The following NDUFS4 variants were observed in gnomAD, a reference collection of about 807,000 sequenced individuals.
NDUFS4 encodes the protein NADH:ubiquinone oxidoreductase subunit S4.
A neutral mutation model predicts 24.3 loss-of-function variants in NDUFS4; 28 were observed. The observed-to-expected ratio is 1.15, with a 90% CI of 0.85 to 1.58. The LOEUF (loss-of-function observed/expected upper bound fraction) is 1.58, where lower values mean the gene tolerates loss of function less well. Ranked by LOEUF, NDUFS4 falls within the 40% of genes most tolerant of loss-of-function variation. The pLI is 0.00. For synonymous variants in NDUFS4, 93 were observed against 69.7 expected (o/e 1.34, Z -1.67); for missense variants, 223 against 207.9 (o/e 1.07, Z -0.45).
intron 1 of NDUFS4, among the ~76,000 whole-genome samples, chr5:53,582,268 G>C (rs895058466): frequency 1.4e-5 from 2 of 147,268 alleles, no homozygotes; most frequent in African/African-American, 2.5e-5. Flanking sequence ...AAAATAAATA[G>C]CTATATACAC....
intron 2 of NDUFS4, among the ~76,000 whole-genome samples, chr5:53,620,270 T>C (rs952181929): frequency 2.0e-5 from 3 of 152,176 alleles, no homozygotes; most frequent in African/African-American, 7.2e-5. Context: ...GTGGATACTT[T>C]TCAGACTCTG....
intron 1 of NDUFS4, among the ~76,000 whole-genome samples, chr5:53,574,440 C>G (rs958884420): frequency 6.6e-6 from 1 of 152,116 alleles, no homozygotes; most frequent in Admixed American, 6.5e-5. Flanking sequence ...GAATTCTTTT[C>G]GTATACTGGC....
chr5:53,664,835 G>T (rs191220091), intron 4 of NDUFS4, among the ~76,000 whole-genome samples: 84 of 152,300 alleles, frequency 5.5e-4, no homozygotes, highest in Admixed American at 1.1e-3. Context: ...ACTCGTCAAA[G>T]TCATTCTCCA....
At chr5:53,672,363 A>AAAAC (rs1324227172) in intron 4 of NDUFS4, among the ~76,000 whole-genome samples, 1 of 152,222 alleles carries the variant, frequency 6.6e-6, no homozygotes, top group African/African-American at 2.4e-5. Context: ...AGTAAAAGTC[A>AAAAC]AAACAGCACT....
rs4147735 is a variant in NDUFS4, at chr5:53,602,931, T to C, written c.99-521T>C. On this transcript the variant is annotated intron_variant, in intron 1 of 4. Coordinates refer to ENST00000296684, the MANE Select transcript of NDUFS4 (RefSeq NM_002495.4). ...ATATTTTCATTTTAACTAATTTTAT[T>C]TCTCCCATTTTGTGAATGGGCTACA... Among the ~76,000 whole-genome samples the C allele has an allele frequency of 2.4e-3, 361 of 152,234 alleles. 5 individuals carry two copies. The highest frequency in any genetic ancestry group is 8.1e-3 in the African/African-American group (336 of 41,524).
At chr5:53,598,626 T>A (rs948026660) in intron 1 of NDUFS4, among the ~76,000 whole-genome samples, 3 of 152,124 alleles carry the variant, frequency 2.0e-5, no homozygotes, top group Non-Finnish European at 4.4e-5. Flanking sequence ...TAAATAAATA[T>A]ACTGATAAAA....
At chr5:53,625,096 C>G (rs1751175303) in intron 2 of NDUFS4, among the ~76,000 whole-genome samples, 1 of 152,050 alleles carries the variant, frequency 6.6e-6, no homozygotes, top group Non-Finnish European at 1.5e-5. Context: ...TAGGCACACA[C>G]CACTATACCC....
chr5:53,612,823 G>T (rs1296257558), intron 2 of NDUFS4, among the ~76,000 whole-genome samples: 1 of 152,030 alleles, frequency 6.6e-6, no homozygotes, highest in Non-Finnish European at 1.5e-5. Context: ...TTGTCAATTT[G>T]TAATAGTTAA....
intron 1 of NDUFS4, among the ~76,000 whole-genome samples, chr5:53,589,568 G>T (rs1554054713): frequency 6.6e-6 from 1 of 152,202 alleles, no homozygotes; most frequent in Non-Finnish European, 1.5e-5. Context: ...GTGGCAATGG[G>T]AGTGTAGTCT....
intron 4 of NDUFS4, among the ~76,000 whole-genome samples, chr5:53,678,751 A>C (rs1740556471): frequency 6.6e-6 from 1 of 152,210 alleles, no homozygotes; most frequent in Non-Finnish European, 1.5e-5. Context: ...TGCAAAATAC[A>C]TCCTTTTTAG....
At chr5:53,573,690 G>C (rs1355015362) in intron 1 of NDUFS4, 3 of 385,918 alleles carry the variant, frequency 7.8e-6, no homozygotes, top group Non-Finnish European at 1.0e-5. Flanking sequence ...CTGGGCTTAA[G>C]CAGTCCTCCC....
At chr5:53,682,704 T>C (rs1234692927) in intron 4 of NDUFS4, among the ~76,000 whole-genome samples, 1 of 151,948 alleles carries the variant, frequency 6.6e-6, no homozygotes, top group East Asian at 1.9e-4. Context: ...TTTGGAAGAG[T>C]TCCAAACTCT....
intron 1 of NDUFS4, among the ~76,000 whole-genome samples, chr5:53,579,914 A>G (rs1749501338): frequency 6.6e-6 from 1 of 152,212 alleles, no homozygotes; most frequent in Non-Finnish European, 1.5e-5. Flanking sequence ...AACAGTCTCT[A>G]AAAGCTAGAA....
At chr5:53,682,109 G>T (rs940157637) in intron 4 of NDUFS4, among the ~76,000 whole-genome samples, 1 of 152,126 alleles carries the variant, frequency 6.6e-6, no homozygotes, top group Admixed American at 6.6e-5. Flanking sequence ...TAAATTACAG[G>T]TGTGGGAAAA....
At chr5:53,576,122 CT>C (rs1749381870) in intron 1 of NDUFS4, among the ~76,000 whole-genome samples, 2 of 152,296 alleles carry the variant, frequency 1.3e-5, no homozygotes, top group African/African-American at 4.8e-5. Context: ...GTTTTGGTGA[CT>C]TTTCTCTAGA....
chr5:53,580,056 T>C (rs1029307911), intron 1 of NDUFS4, among the ~76,000 whole-genome samples: 6 of 152,194 alleles, frequency 3.9e-5, no homozygotes, highest in African/African-American at 1.4e-4. Flanking sequence ...GTAATAAATG[T>C]GTGTTGTTTC....
At position 53,617,876 on chromosome 5, in the gene NDUFS4, T is replaced by A. The variant is rs528086504; in HGVS notation, c.177+14346T>A. Among the ~76,000 whole-genome samples, 30 of 152,358 alleles carry A rather than the reference T, an allele frequency of 2.0e-4. No individual in the cohort carries two copies. In the South Asian group the frequency reaches 6.0e-3, roughly 30 times the overall value. On this transcript the variant is annotated intron_variant, in intron 2 of 4. Transcript: ENST00000296684. ...ATCTTTAGTCATCTCTTCTTTTAGC[T>A]GTATAACCTGAAGCAAGTTATTTAA...
intron 1 of NDUFS4, among the ~76,000 whole-genome samples, chr5:53,563,349 TACAC>T (rs1246974227): frequency 1.3e-5 from 2 of 151,252 alleles, no homozygotes; most frequent in African/African-American, 2.4e-5. Context: ...CAACAACACA[TACAC>T]ACAAGAGAGA....
intron 3 of NDUFS4, among the ~76,000 whole-genome samples, chr5:53,654,375 T>A (rs1752102938): frequency 6.6e-6 from 1 of 152,116 alleles, no homozygotes; most frequent in African/African-American, 2.4e-5. Context: ...ACCCAATCTG[T>A]GGAATTGGCC....
Sources: gnomAD v4.1 joint callset for allele counts (sites outside exome capture counted in the v4.1 genomes callset) on GRCh38, gnomAD v4.1.1 for gene constraint, MANE v1.5 for transcripts, NCBI Gene and HGNC (gene_info 2026-07-23, HGNC 2026-07-21) for gene names.